ENG: variants seen among roughly 807,000 people sequenced by gnomAD.
The protein encoded by ENG is endoglin, also known as CD105 antigen.
ENG carries 17 observed loss-of-function variants against 71.0 expected under a neutral mutation model. The ratio of observed to expected loss-of-function variants is 0.24; its 90% confidence interval spans 0.16 to 0.36. The LOEUF (loss-of-function observed/expected upper bound fraction) is 0.36. Ranked by LOEUF, ENG falls within the 10% of genes least tolerant of loss-of-function variation. The probability of loss-of-function intolerance (pLI) is 1.00; values close to 1 mark genes in which losing one functional copy is unlikely to be tolerated. For missense variants in ENG, 749 were observed against 868.3 expected, an observed-to-expected ratio of 0.86 and a Z score of 1.73; for synonymous variants, 360 against 366.9, an observed-to-expected ratio of 0.98 and a Z score of 0.21.
intron 10 of ENG, 55 bp from the exon 11 acceptor site, chr9:127,818,887 C>T (rs1006597317): frequency 3.7e-5 from 56 of 1,518,606 alleles, no homozygotes; most frequent in Middle Eastern, 4.1e-4. Flanking sequence ...GCCAGGAGGG[C>T]GAGGGGTGTG....
chr9:127,854,215 A>C lies in ENG; in HGVS notation c.67+74T>G, dbSNP rs989800226. On this transcript the variant is annotated intron_variant, in intron 1 of 14. Transcript: ENST00000373203. The stretch of plus-strand genomic sequence containing the variant: ...GGCGTGAGCTCAGGATACAGGAAGG[A>C]GGCCGGGAATACTTGGGGCCTGGTC... 14 of 1,470,190 alleles carry C rather than the reference A, an allele frequency of 9.5e-6. No individual in the cohort carries two copies. In the Admixed American group the frequency reaches 2.8e-4, roughly 29 times the overall value. The allele number at this position is 1,470,190 out of a possible 1,614,324, so 91.1% of individuals were successfully genotyped here.
chr9:127,828,019 C>CAAAA (rs997493323), intron 3 of ENG, among the ~76,000 whole-genome samples: 3 of 31,190 alleles, frequency 9.6e-5, no homozygotes, highest in African/African-American at 4.0e-4. Context: ...AACTCCATCT[C>CAAAA]AAAAAAAAAA....
At chr9:127,835,610 G>A (rs1452666345) in intron 2 of ENG, among the ~76,000 whole-genome samples, 1 of 152,148 alleles carries the variant, frequency 6.6e-6, no homozygotes, top group Non-Finnish European at 1.5e-5. Flanking sequence ...AGTGCAGTCT[G>A]GTGGCCAAGC....
chr9:127,837,985 C>T (rs1213424350), intron 2 of ENG, among the ~76,000 whole-genome samples: 1 of 152,112 alleles, frequency 6.6e-6, no homozygotes, highest in African/African-American at 2.4e-5. Context: ...ATACAAATGG[C>T]AGCCTCTGGC....
In ENG at chr9:127,824,313, C is replaced by T; in HGVS notation, c.1125G>A (p.Glu375=). ...GCAGGAGTTCCCTTACCGCAACAAG[C>T]TCTTTCTTTAGTACCAGGGTCATGG... ...DDAMTLVLKK[E]LVAHLKCTIT... is the part of the protein sequence containing the mutation. Residue 375 remains glutamate, a synonymous_variant, in exon 8 of 15, where the codon GAG becomes GAA. Transcript: ENST00000373203. The T allele has an allele frequency of 6.2e-7, 1 of 1,614,032 alleles. No homozygotes were observed. Among genetic ancestry groups the T allele is most frequent in the South Asian group, 1.1e-5 (1 of 91,078 alleles).
chr9:127,821,274 T>TA (rs1293174750), intron 8 of ENG: 1 of 148,984 alleles, frequency 6.7e-6, no homozygotes, highest in Admixed American at 6.7e-5. Flanking sequence ...CTACTAAAAT[T>TA]ATAAAAATTA....
chr9:127,815,588 G>T lies in ENG; in HGVS notation c.*94C>A, dbSNP rs914218873. Reference sequence around the variant, plus strand: ...CGGAGAGCAGGCTCCATTCTGGGTCGAGTGGAGGACTGGCTCCCAGGGTGA... The same window carrying T: ...CGGAGAGCAGGCTCCATTCTGGGTCTAGTGGAGGACTGGCTCCCAGGGTGA... On this transcript the variant is annotated 3_prime_UTR_variant, in exon 15 of 15. Coordinates refer to ENST00000373203, the MANE Select transcript of ENG (RefSeq NM_001114753.3). 2.0e-6 allele frequency: 3 copies of T among 1,499,196 alleles called. No individual in the cohort carries two copies. Among genetic ancestry groups the T allele is most frequent in the Non-Finnish European group, 2.7e-6 (3 of 1,126,866 alleles). 92.9% of individuals were successfully genotyped at this position (1,499,196 alleles called of 1,614,324 possible). A position where few individuals can be genotyped will look rare whatever the true frequency, so the allele number is the denominator to read the frequency against.
rs1350167011 is a variant in ENG, at chr9:127,818,579, C to T, written c.1428+137G>A. On this transcript the variant is annotated intron_variant, in intron 11 of 14. Coordinates refer to ENST00000373203, the MANE Select transcript of ENG (RefSeq NM_001114753.3). ...TCCCTGAGCAATGCCTTCTCTGTCT[C>T]TCCCTCTCCCGTGCACCCAGGCTGT... 5.1e-6 allele frequency: 7 copies of T among 1,367,930 alleles called. No individual in the cohort carries two copies. In the Admixed American group the frequency reaches 1.2e-4, roughly 23 times the overall value. The allele number at this position is 1,367,930 out of a possible 1,614,324, so 84.7% of individuals were successfully genotyped here. A position where few individuals can be genotyped will look rare whatever the true frequency, so the allele number is the denominator to read the frequency against.
intron 10 of ENG, 85 bp downstream of exon 10, chr9:127,819,537 C>T: frequency 6.3e-7 from 1 of 1,591,796 alleles, no homozygotes. Context: ...TTTCCCGAGG[C>T]CTGCTCCCTC....
intron 1 of ENG, among the ~76,000 whole-genome samples, chr9:127,848,231 C>T (rs1449017902): frequency 1.3e-5 from 2 of 152,128 alleles, no homozygotes; most frequent in Non-Finnish European, 1.5e-5. Flanking sequence ...CACCTCGCTC[C>T]TGCCTCTGCC....
chr9:127,818,268 T>C lies in ENG; in HGVS notation c.1538A>G (p.Lys513Arg), dbSNP rs765564489. The C allele has an allele frequency of 9.9e-6, 16 of 1,614,152 alleles. No homozygotes were observed. The highest frequency in any genetic ancestry group is 1.0e-5 in the Non-Finnish European group (12 of 1,180,024). Residue 513 changes from lysine to arginine, a missense_variant, in exon 12 of 15, where the codon AAG becomes AGG. Transcript: ENST00000373203. Reference protein sequence around the residue: ...TVELIQGRAAKGNCVSLLSPS... With the variant: ...TVELIQGRAARGNCVSLLSPS... ...GGACAGCAGGCTCACACAGTTGCCC[T>C]TGGCCGCCCGGCCCTGGATGAGTTC...
At chr9:127,818,057 T>C in intron 12 of ENG, 63 bp downstream of exon 12, 1 of 1,612,494 alleles carries the variant, frequency 6.2e-7, no homozygotes, top group East Asian at 2.2e-5. Context: ...CCATGTCCCT[T>C]CCTGCAAACC....
At chr9:127,852,568 G>A (rs1317047679) in intron 1 of ENG, among the ~76,000 whole-genome samples, 1 of 152,118 alleles carries the variant, frequency 6.6e-6, no homozygotes, top group South Asian at 2.1e-4. Context: ...CCAACTGGCT[G>A]TTACATAGCT....
At chr9:127,817,855 C>T (rs543778448) in intron 12 of ENG, 60 of 576,534 alleles carry the variant, frequency 1.0e-4, no homozygotes, top group South Asian at 7.0e-4. Context: ...GATGGACGGA[C>T]GGGTAAGTGA....
intron 11 of ENG, 126 bp from the exon 12 acceptor site, chr9:127,818,503 A>G: frequency 6.5e-7 from 1 of 1,529,118 alleles, no homozygotes; most frequent in Non-Finnish European, 8.8e-7. Context: ...AAAGAAAGAC[A>G]TGGACCTGTC....
At chr9:127,848,529 C>T (rs1192454037) in intron 1 of ENG, among the ~76,000 whole-genome samples, 1 of 152,194 alleles carries the variant, frequency 6.6e-6, no homozygotes, top group Non-Finnish European at 1.5e-5. Context: ...AGTGATCCTC[C>T]CACCTTAGCC....
Position 127,836,536 on chromosome 9 carries a change from G to A in ENG, c.219+6558C>T, listed in dbSNP as rs933363730. Among the ~76,000 whole-genome samples the A allele has an allele frequency of 2.6e-5, 4 of 152,214 alleles. No individual in the cohort carries two copies. Among genetic ancestry groups the A allele is most frequent in the African/African-American group, 4.8e-5 (2 of 41,450 alleles). ...GGAGGCGGTCAGATTGGAGCCAGCC[G>A]TCCCTCTGTCCACCCCAGAAAACTC... On this transcript the variant is annotated intron_variant, in intron 2 of 14. Coordinates refer to ENST00000373203, the MANE Select transcript of ENG (RefSeq NM_001114753.3). The surrounding 1 kb of genome is among the most constrained non-coding windows in gnomAD (Gnocchi z 4.0).
intron 2 of ENG, among the ~76,000 whole-genome samples, chr9:127,839,666 T>TTGCCTCAG (rs1418323261): frequency 5.9e-5 from 9 of 152,172 alleles, no homozygotes; most frequent in Non-Finnish European, 8.8e-5. Context: ...AACGATTCTC[T>TTGCCTCAG]TGCCTCAGCC....
rs146100407 is a variant in ENG at position 127,843,134 on chromosome 9, G to T, written c.179C>A (p.Ala60Asp). ...GAAGAGGACATGGACTTCAAGGATG[G>T]CATTGGGGGCCTGAGCCACGCAGCC... Reference protein sequence around the residue: ...SKGCVAQAPNAILEVHVLFLE... With the variant: ...SKGCVAQAPNDILEVHVLFLE... Residue 60 changes from alanine (A) to aspartate (D), a missense_variant, in exon 2 of 15, where the codon GCC becomes GAC. By Grantham distance (126) the Ala-to-Asp change is moderately radical (BLOSUM62 -2). Transcript: ENST00000373203. 332 of 1,614,224 alleles carry T rather than the reference G, an allele frequency of 2.1e-4. No individual in the cohort carries two copies. In the African/African-American group the frequency reaches 4.2e-3, roughly 20 times the overall value.
Sources: allele counts gnomAD v4.1 joint callset (sites outside exome capture counted in the v4.1 genomes callset), GRCh38; gene constraint gnomAD v4.1.1; non-coding constraint Gnocchi (gnomAD v3.1); transcripts MANE v1.5; gene names NCBI Gene and HGNC (gene_info 2026-07-23, HGNC 2026-07-21).